Variants in MSRA observed in about 807,000 individuals in gnomAD.
MSRA encodes the protein methionine sulfoxide reductase A.
In MSRA, 54 loss-of-function variants were observed where a neutral mutation model predicts 31.3. That is an observed-to-expected ratio of 1.73 (90% CI 1.39 to 2.17). The LOEUF (loss-of-function observed/expected upper bound fraction) is 2.17, where lower values mean the gene tolerates loss of function less well. MSRA is among the 30% of genes most tolerant of loss of function. The pLI is 0.00. For synonymous variants in MSRA, 169 were observed against 116.5 expected (o/e 1.45, Z -2.90); for missense variants, 507 against 300.9 (o/e 1.69, Z -5.07).
Position 10,328,043 on chromosome 8 carries a change from TTTTTTTTTTAG to T in MSRA, c.543+8056_543+8066del, listed in dbSNP as rs1300506519. ...TCTATGGTAATTTTTTTTTTTTTTT[TTTTTTTTTTAG>T]TATCAGTGACACTCTGAGTGTAAAT... On this transcript the variant is annotated intron_variant, in intron 5 of 5. Transcript: ENST00000317173. 4.4e-3 allele frequency among the ~76,000 whole-genome samples: 623 copies of T among 140,874 alleles called. 5 individuals carry two copies. The highest frequency in any genetic ancestry group is 7.4e-3 in the Admixed American group (107 of 14,372). 92.4% of individuals were successfully genotyped at this position (140,874 alleles called of 152,430 possible). A position where few individuals can be genotyped will look rare whatever the true frequency, so the allele number is the denominator to read the frequency against.
chr8:10,347,990 T>C (rs1803891435), intron 5 of MSRA, among the ~76,000 whole-genome samples: 1 of 152,224 alleles, frequency 6.6e-6, no homozygotes, highest in African/African-American at 2.4e-5. Context: ...CTAGCTGGTC[T>C]TTGCCATTTA....
chr8:10,094,458 A>G (rs1460636286), intron 1 of MSRA, among the ~76,000 whole-genome samples: 2 of 152,268 alleles, frequency 1.3e-5, no homozygotes, highest in South Asian at 2.1e-4. Flanking sequence ...GGATGAAGGT[A>G]TCTATGTGCA....
In MSRA at chr8:10,116,557, A is replaced by G. The variant is rs558730944; in HGVS notation, c.142+61899A>G. On this transcript the variant is annotated intron_variant, in intron 1 of 5. Coordinates refer to ENST00000317173, the MANE Select transcript of MSRA (RefSeq NM_012331.5). ...TTGTTGTAGGCTGGTAGCCATCTAG[A>G]TAAGTAGACAAATCACTTGGATATC... is the stretch of plus-strand genomic sequence containing the variant. 2.0e-5 allele frequency among the ~76,000 whole-genome samples: 3 copies of G among 152,328 alleles called. No individual in the cohort carries two copies. In the South Asian group the frequency reaches 6.2e-4, roughly 32 times the overall value.
intron 1 of MSRA, among the ~76,000 whole-genome samples, chr8:10,108,681 T>C (rs1424502915): frequency 2.0e-5 from 3 of 152,210 alleles, no homozygotes; most frequent in Non-Finnish European, 2.9e-5. Context: ...TCCCATTAGA[T>C]TCTGTGCAGT....
intron 2 of MSRA, among the ~76,000 whole-genome samples, chr8:10,209,100 G>C (rs921505985): frequency 6.6e-6 from 1 of 152,170 alleles, no homozygotes; most frequent in Non-Finnish European, 1.5e-5. Context: ...TCAGTGATGA[G>C]AAATCATTAT....
intron 3 of MSRA, among the ~76,000 whole-genome samples, chr8:10,298,559 T>G (rs1563323695): frequency 6.6e-6 from 1 of 152,152 alleles, no homozygotes; most frequent in African/African-American, 2.4e-5. Flanking sequence ...TAGTGATGAT[T>G]GCAAAACATT....
Position 10,310,694 on chromosome 8 carries a change from T to G in MSRA, c.436+9056T>G, listed in dbSNP as rs140312654. 5.8e-3 allele frequency among the ~76,000 whole-genome samples: 887 copies of G among 152,328 alleles called. 1 individual carries two copies. Among genetic ancestry groups the G allele is most frequent in the South Asian group, 8.1e-3 (39 of 4,830 alleles). On this transcript the variant is annotated intron_variant, in intron 4 of 5. Coordinates refer to ENST00000317173, the MANE Select transcript of MSRA (RefSeq NM_012331.5). ...AAAGGCCCAGTGAGGTGAAGTGATTTGGCACAAGCCACTTACTACATTGCT... is the reference window on the plus strand; with the variant it reads ...AAAGGCCCAGTGAGGTGAAGTGATTGGGCACAAGCCACTTACTACATTGCT...
intron 3 of MSRA, among the ~76,000 whole-genome samples, chr8:10,283,852 C>T (rs1411243868): frequency 1.5e-4 from 21 of 138,246 alleles, no homozygotes; most frequent in African/African-American, 2.9e-4. Flanking sequence ...CACACACACA[C>T]ACACACACAC....
chr8:10,184,751 A>G (rs1246896442), intron 1 of MSRA, among the ~76,000 whole-genome samples: 1 of 152,192 alleles, frequency 6.6e-6, no homozygotes, highest in Non-Finnish European at 1.5e-5. Flanking sequence ...AGAGATCTAG[A>G]TTCAGAAAAG....
intron 2 of MSRA, among the ~76,000 whole-genome samples, chr8:10,238,197 A>T (rs7842910): frequency 6.6e-6 from 1 of 151,684 alleles, no homozygotes; most frequent in Non-Finnish European, 1.5e-5. Flanking sequence ...TGCTTTCTCT[A>T]CCCCTTGCTG....
intron 1 of MSRA, among the ~76,000 whole-genome samples, chr8:10,136,300 C>G (rs9657534): frequency 5.9e-5 from 9 of 152,088 alleles, no homozygotes; most frequent in Non-Finnish European, 1.3e-4. Flanking sequence ...CTTCTGCTAT[C>G]GGACTTCTGG....
At chr8:10,272,548 G>A (rs1278025584) in intron 3 of MSRA, among the ~76,000 whole-genome samples, 1 of 152,196 alleles carries the variant, frequency 6.6e-6, no homozygotes, top group Non-Finnish European at 1.5e-5. Flanking sequence ...GCTTTACCGG[G>A]TCTACGGATT....
chr8:10,087,347 G>C (rs1798613163), intron 1 of MSRA, among the ~76,000 whole-genome samples: 1 of 152,078 alleles, frequency 6.6e-6, no homozygotes, highest in Non-Finnish European at 1.5e-5. Flanking sequence ...ATAATGATTT[G>C]TTTGCATGTC....
chr8:10,352,880 C>T (rs746166021), intron 5 of MSRA, among the ~76,000 whole-genome samples: 14 of 152,216 alleles, frequency 9.2e-5, no homozygotes, highest in African/African-American at 3.1e-4. Context: ...TTTAAAAAAT[C>T]GGCTCTGTCT....
At position 10,286,646 on chromosome 8, in the gene MSRA, T is replaced by G. The variant is rs142831650; in HGVS notation, c.332-14888T>G. On this transcript the variant is annotated intron_variant, in intron 3 of 5. Transcript: ENST00000317173. The stretch of plus-strand genomic sequence containing the variant: ...AAACCAGAGCACTTGTCTGTGCCCC[T>G]CCCATGGCACCTAACACTTTCTATC... Among the ~76,000 whole-genome samples the G allele has an allele frequency of 2.4e-4, 36 of 152,354 alleles. 1 individual carries two copies. The highest frequency in any genetic ancestry group is 8.4e-4 in the African/African-American group (35 of 41,594).
At chr8:10,274,560 C>G (rs1799219303) in intron 3 of MSRA, among the ~76,000 whole-genome samples, 3 of 152,174 alleles carry the variant, frequency 2.0e-5, no homozygotes, top group East Asian at 1.9e-4. Context: ...AAGTTATGGA[C>G]TTTTCAGACA....
intron 1 of MSRA, among the ~76,000 whole-genome samples, chr8:10,149,247 A>ACC (rs1803439254): frequency 6.6e-6 from 1 of 151,794 alleles, no homozygotes; most frequent in African/African-American, 2.4e-5. Context: ...TCAGCCTCCC[A>ACC]AGTATCTGGG....
In MSRA at chr8:10,424,955, C is replaced by G. The variant is rs116710643; in HGVS notation, c.544-3193C>G. Among the ~76,000 whole-genome samples the G allele has an allele frequency of 2.3e-3, 347 of 152,332 alleles. 1 individual carries two copies. Among genetic ancestry groups the G allele is most frequent in the African/African-American group, 8.0e-3 (331 of 41,588 alleles). ...GCTGCGAAGCCCACTGAAATCAAGA[C>G]GTGAATCTGAACAGTGGCGGAGGGA... On this transcript the variant is annotated intron_variant, in intron 5 of 5. Transcript: ENST00000317173.
At chr8:10,417,841 G>A (rs1470927284) in intron 5 of MSRA, among the ~76,000 whole-genome samples, 2 of 149,014 alleles carry the variant, frequency 1.3e-5, no homozygotes, top group African/African-American at 4.9e-5. Context: ...TGGAGTGGAT[G>A]TGGAGGGAAT....
Sources: allele counts gnomAD v4.1 joint callset (sites outside exome capture counted in the v4.1 genomes callset), GRCh38; gene constraint gnomAD v4.1.1; transcripts MANE v1.5; gene names NCBI Gene and HGNC (gene_info 2026-07-23, HGNC 2026-07-21).